CCDC88B: variants seen among roughly 807,000 people sequenced by gnomAD.
CCDC88B encodes coiled-coil domain-containing protein 88B.
A neutral mutation model predicts 183.7 loss-of-function variants in CCDC88B; 138 were observed. The ratio of observed to expected loss-of-function variants is 0.75; its 90% CI spans 0.65 to 0.87. The LOEUF (loss-of-function observed/expected upper bound fraction) is 0.87, where lower values mean the gene tolerates loss of function less well. Ranked by LOEUF, CCDC88B falls within the 40% of genes least tolerant of loss-of-function variation. CCDC88B has a pLI of 0.00. For synonymous variants in CCDC88B, 835 were observed against 867.5 expected (o/e 0.96, Z 0.66); for missense variants, 1,822 against 1,965.6 (o/e 0.93, Z 1.38).
At position 64,343,186 on chromosome 11, in the gene CCDC88B, G is replaced by A. The variant is rs762997411; in HGVS notation, c.1070G>A (p.Arg357Gln). 1.5e-5 allele frequency: 23 copies of A among 1,532,078 alleles called. No homozygotes were observed. Among genetic ancestry groups the A allele is most frequent in the Non-Finnish European group, 2.0e-5 (23 of 1,137,680 alleles). 94.9% of individuals were successfully genotyped at this position (1,532,078 alleles called of 1,614,324 possible). Reference sequence around the variant, plus strand: ...TCCCTGCTCTCCCACCAGGAGGAGCGGGTGCTCTCGGGGGTGCTGGAGGCG... The same window carrying A: ...TCCCTGCTCTCCCACCAGGAGGAGCAGGTGCTCTCGGGGGTGCTGGAGGCG... ...EAYKSQLEEE[R>Q]VLSGVLEASK... Residue 357 changes from arginine to glutamine, a missense_variant, in exon 11 of 27, where the codon CGG becomes CAG. Arg to Gln is a conservative substitution (Grantham distance 43). Transcript: ENST00000356786.
chr11:64,357,000 C>T (rs769668102), intron 26 of CCDC88B, 39 bp from the exon 27 acceptor site: 4 of 1,537,792 alleles, frequency 2.6e-6, no homozygotes, highest in Non-Finnish European at 3.5e-6. Context: ...TGGGAGTCCT[C>T]CTGAGGGAAG....
chr11:64,340,922 AGGG>A lies in CCDC88B; in HGVS notation c.225_227del (p.Gly76del). ...CGGCTCATAGTGCCCCCAGCTCCCG[AGGG>A]GGACCTCGGATGCTCAGAGGCCTTG... is the stretch of plus-strand genomic sequence containing the variant. On this transcript the variant is annotated inframe_deletion, in exon 3 of 27. Transcript: ENST00000356786. The A allele has an allele frequency of 6.4e-7, 1 of 1,560,720 alleles. No homozygotes were observed.
rs144062270 is a variant in CCDC88B, at chr11:64,355,316, T to A, written c.4222T>A (p.Ser1408Thr). ...SRFPVGRSSE[S>T]FSPGDTPRQR... ...GTTCCCGGTGGGGCGAAGCTCTGAGTCATTCAGCCCTGGGGACACCCCTAG... is the reference window on the plus strand; with the variant it reads ...GTTCCCGGTGGGGCGAAGCTCTGAGACATTCAGCCCTGGGGACACCCCTAG... The change falls in exon 25 of 27, where the codon TCA becomes ACA. Residue 1408 changes from serine to threonine, a missense_variant. Physicochemically the swap from Ser to Thr is moderately conservative, Grantham distance 58. Coordinates refer to ENST00000356786, the MANE Select transcript of CCDC88B (RefSeq NM_032251.6). The A allele has an allele frequency of 1.4e-5, 23 of 1,591,938 alleles. No individual in the cohort carries two copies. The Admixed American group carries it at 2.8e-4, about 20-fold the overall frequency.
chr11:64,349,225 C>G, intron 14 of CCDC88B, 106 bp from the exon 15 acceptor site: 1 of 1,330,944 alleles, frequency 7.5e-7, no homozygotes. Context: ...TGATACGTGC[C>G]CAGGATGGCA....
At chr11:64,342,747 T>C in intron 10 of CCDC88B, 67 bp downstream of exon 10, 2 of 1,414,780 alleles carry the variant, frequency 1.4e-6, no homozygotes, top group African/African-American at 1.5e-5. Flanking sequence ...AGGGGCGAGA[T>C]TGGGTCCCGA....
At chr11:64,351,361 G>A in intron 17 of CCDC88B, 106 bp downstream of exon 17, 1 of 1,505,056 alleles carries the variant, frequency 6.6e-7, no homozygotes, top group Non-Finnish European at 9.0e-7. Flanking sequence ...TGTGAGTGTG[G>A]ACTCACAGTG....
In CCDC88B at chr11:64,353,078, G is replaced by A. The variant is rs2036404566; in HGVS notation, c.3525G>A (p.Leu1175=). ...HDRAQMLLAE[L]SRERGELQGE... ...GGGCTCAGATGCTGCTGGCAGAGTT[G>A]TCTCGGGAGCGGGGTGAGCTGCAGG... The change falls in exon 21 of 27, where the codon TTG becomes TTA. Residue 1175 remains leucine, a synonymous_variant. Coordinates refer to ENST00000356786, the MANE Select transcript of CCDC88B (RefSeq NM_032251.6). The A allele has an allele frequency of 6.2e-7, 1 of 1,605,678 alleles. No homozygotes were observed. The highest frequency in any genetic ancestry group is 8.5e-7 in the Non-Finnish European group (1 of 1,176,822).
intron 18 of CCDC88B, 132 bp from the exon 19 acceptor site, chr11:64,351,998 C>A: frequency 7.6e-7 from 1 of 1,308,622 alleles, no homozygotes; most frequent in African/African-American, 1.5e-5. Flanking sequence ...TGCTGTGCCC[C>A]CAGCCCTTTG....
intron 22 of CCDC88B, 80 bp downstream of exon 22, chr11:64,353,576 G>T: frequency 6.3e-7 from 1 of 1,580,524 alleles, no homozygotes; most frequent in East Asian, 2.2e-5. Flanking sequence ...TGAGGGCCTA[G>T]GGACAGGGTT....
Position 64,344,354 on chromosome 11 carries a change from G to A in CCDC88B, c.1813G>A (p.Ala605Thr). 1 of 1,595,202 alleles carries A rather than the reference G, an allele frequency of 6.3e-7. No individual in the cohort carries two copies. The change falls in exon 14 of 27, where the codon GCC (alanine) becomes ACC (threonine). Residue 605 changes from alanine (A) to threonine (T), a missense_variant. Physicochemically the swap from Ala to Thr is moderately conservative, Grantham distance 58 (BLOSUM62 0). Coordinates refer to ENST00000356786, the MANE Select transcript of CCDC88B (RefSeq NM_032251.6). The surrounding 1 kb of genome is among the most constrained non-coding windows in gnomAD (Gnocchi z 4.5). The part of the protein sequence containing the change: ...RSSLQSPASV[A>T]PPQGPGTKIQ... The stretch of plus-strand genomic sequence containing the variant: ...CTCTCTCCAGAGCCCTGCCTCTGTG[G>A]CCCCACCTCAGGGTCCAGGGACCAA...
At chr11:64,346,786 G>C (rs933675080) in intron 14 of CCDC88B, among the ~76,000 whole-genome samples, 1 of 145,534 alleles carries the variant, frequency 6.9e-6, no homozygotes, top group Non-Finnish European at 1.5e-5. Flanking sequence ...TGTTGGCCTG[G>C]CTAGTTTCTT....
rs1318165 is a variant in CCDC88B at position 64,349,371 on chromosome 11, A to C, written c.2657A>C (p.Asp886Ala). The change falls in exon 15 of 27, where the codon GAC (aspartate) becomes GCC (alanine). Residue 886 changes from aspartate to alanine, a missense_variant. By Grantham distance (126) the Asp-to-Ala change is moderately radical. Transcript: ENST00000356786. ...GTGGTGCGGGGCAAGGAGTTGGGGGACCGGCTGGAGCATTTGCAGCGTGAG... is the reference window on the plus strand; with the variant it reads ...GTGGTGCGGGGCAAGGAGTTGGGGGCCCGGCTGGAGCATTTGCAGCGTGAG... ...KAVVRGKELG[D>A]RLEHLQRELE... 1,602,727 of 1,612,764 alleles carry C rather than the reference A, an allele frequency of 0.99. 796,887 individuals carry two copies. Among genetic ancestry groups the C allele is most frequent in the East Asian group, 1 (44,863 of 44,864 alleles).
intron 19 of CCDC88B, 77 bp downstream of exon 19, chr11:64,352,463 C>T: frequency 1.4e-6 from 2 of 1,459,492 alleles, no homozygotes; most frequent in Non-Finnish European, 1.8e-6. Context: ...GCAGGTCTGA[C>T]TCCCCATCAG....
chr11:64,343,349 C>A (rs1458924308), intron 11 of CCDC88B, 24 bp downstream of exon 11: 5 of 1,548,168 alleles, frequency 3.2e-6, no homozygotes, highest in Non-Finnish European at 4.4e-6. Context: ...AGTGATCCCA[C>A]TTGGGTTGCC....
intron 14 of CCDC88B, 98 bp downstream of exon 14, chr11:64,345,255 C>A: frequency 7.4e-7 from 1 of 1,349,722 alleles, no homozygotes; most frequent in Non-Finnish European, 1.0e-6. Context: ...GGGTGCCCAG[C>A]ACTGAGCTGG....
intron 11 of CCDC88B, 77 bp from the exon 12 acceptor site, chr11:64,343,430 C>G: frequency 6.5e-7 from 1 of 1,539,904 alleles, no homozygotes; most frequent in Non-Finnish European, 8.8e-7. Flanking sequence ...TCTTGGTGAC[C>G]TCTAGTGACC....
At chr11:64,345,832 C>T (rs1369020014) in intron 14 of CCDC88B, among the ~76,000 whole-genome samples, 1 of 152,144 alleles carries the variant, frequency 6.6e-6, no homozygotes, top group African/African-American at 2.4e-5. Context: ...CATGGTGAAA[C>T]CCTGCCTCCA....
chr11:64,353,263 G>T, intron 21 of CCDC88B, 23 bp downstream of exon 21: 1 of 1,566,776 alleles, frequency 6.4e-7, no homozygotes, highest in African/African-American at 1.3e-5. Flanking sequence ...GGCCGGTGGG[G>T]GTATGGGCGT....
At chr11:64,347,597 G>C (rs1304038758) in intron 14 of CCDC88B, among the ~76,000 whole-genome samples, 4 of 152,200 alleles carry the variant, frequency 2.6e-5, no homozygotes, top group Admixed American at 2.6e-4. Flanking sequence ...GCGAATGTGA[G>C]AGGGAAGGTG....
Sources: allele counts gnomAD v4.1 joint callset (sites outside exome capture counted in the v4.1 genomes callset), GRCh38; gene constraint gnomAD v4.1.1; non-coding constraint Gnocchi (gnomAD v3.1); transcripts MANE v1.5; gene names NCBI Gene and HGNC (gene_info 2026-07-23, HGNC 2026-07-21).